Variants in BTRC observed in about 807,000 individuals in gnomAD.
The protein encoded by BTRC is F-box/WD repeat-containing protein 1A.
A neutral mutation model predicts 85.5 loss-of-function variants in BTRC; 42 were observed. The ratio of observed to expected loss-of-function variants is 0.49; its 90% CI spans 0.38 to 0.64. The LOEUF is 0.64. Ranked by LOEUF, BTRC falls within the 30% of genes least tolerant of loss-of-function variation. The probability of loss-of-function intolerance (pLI) is 0.00; values close to 1 mark genes in which losing one functional copy is unlikely to be tolerated. For synonymous variants in BTRC, 255 were observed against 263.3 expected, an observed-to-expected ratio of 0.97 and a Z score of 0.30; for missense variants, 594 against 743.5, an observed-to-expected ratio of 0.80 and a Z score of 2.34.
At chr10:101,435,815 T>C (rs2134095532) in intron 2 of BTRC, among the ~76,000 whole-genome samples, 1 of 152,268 alleles carries the variant, frequency 6.6e-6, no homozygotes, top group South Asian at 2.1e-4. Flanking sequence ...CCATTTTTAC[T>C]AATATTGACA....
At chr10:101,461,141 A>G (rs933335301) in intron 2 of BTRC, among the ~76,000 whole-genome samples, 2 of 152,154 alleles carry the variant, frequency 1.3e-5, no homozygotes, top group Non-Finnish European at 2.9e-5. Flanking sequence ...ACCTCAGATG[A>G]TCTGCCCGCC....
In BTRC at chr10:101,531,271, G is replaced by A. The variant is rs758785153; in HGVS notation, c.778G>A (p.Gly260Arg). Residue 260 changes from glycine to arginine, a missense_variant, in exon 7 of 15, where the codon GGG (glycine) becomes AGG (arginine). Physicochemically the swap from Gly to Arg is moderately radical, Grantham distance 125 (BLOSUM62 -2). Coordinates refer to ENST00000370187, the MANE Select transcript of BTRC (RefSeq NM_033637.4). Reference protein sequence around the residue: ...QYLFKNKPPDGNAPPNSFYRA... With the variant: ...QYLFKNKPPDRNAPPNSFYRA... ...TTTATTCAAAAACAAACCTCCTGACGGGAATGCTCCTCCCAACTCTTTTTA... is the reference window on the plus strand; with the variant it reads ...TTTATTCAAAAACAAACCTCCTGACAGGAATGCTCCTCCCAACTCTTTTTA... 6.8e-6 allele frequency: 11 copies of A among 1,610,192 alleles called. No individual in the cohort carries two copies. The highest frequency in any genetic ancestry group is 9.3e-6 in the Non-Finnish European group (11 of 1,176,718).
Position 101,534,878 on chromosome 10 carries a change from A to G in BTRC, c.1315A>G (p.Ile439Val), listed in dbSNP as rs200146282. The change falls in exon 10 of 15, where the codon ATT becomes GTT. Residue 439 changes from isoleucine (I) to valine (V), a missense_variant. Physicochemically the swap from Ile to Val is conservative, Grantham distance 29. This residue lies in a region of BTRC where 373 missense variants were observed against 503.6 expected (regional missense o/e 0.74). Transcript: ENST00000370187. ...VNVVDFDDKYIVSASGDRTIK... is the reference protein window; with the variant it reads ...VNVVDFDDKYVVSASGDRTIK... ...TGTTGTAGACTTTGATGACAAGTAC[A>G]TTGTTTCTGCATCTGGGGATAGAAC... The G allele has an allele frequency of 2.8e-4, 453 of 1,614,000 alleles. No individual in the cohort carries two copies. The highest frequency in any genetic ancestry group is 3.4e-4 in the Non-Finnish European group (397 of 1,180,016).
At chr10:101,475,854 G>T (rs1945664116) in intron 3 of BTRC, among the ~76,000 whole-genome samples, 1 of 142,084 alleles carries the variant, frequency 7.0e-6, no homozygotes, top group African/African-American at 2.6e-5. Context: ...GCACCCAATG[G>T]ATGCTAAAAT....
chr10:101,418,833 C>A (rs1292324525), intron 1 of BTRC, among the ~76,000 whole-genome samples: 2 of 152,096 alleles, frequency 1.3e-5, no homozygotes, highest in Non-Finnish European at 2.9e-5. Context: ...TGCATCAGCT[C>A]TTTTCCCTAA....
At chr10:101,420,423 T>A (rs1944068689) in intron 1 of BTRC, among the ~76,000 whole-genome samples, 4 of 151,972 alleles carry the variant, frequency 2.6e-5, no homozygotes, top group Admixed American at 2.6e-4. Context: ...CTCCACTGGG[T>A]CTGAAACTCA....
At chr10:101,504,892 C>A (rs932617884) in intron 4 of BTRC, among the ~76,000 whole-genome samples, 1 of 151,656 alleles carries the variant, frequency 6.6e-6, no homozygotes, top group East Asian at 1.9e-4. Context: ...GGCACAGATA[C>A]ACTCCCCCTC....
intron 1 of BTRC, among the ~76,000 whole-genome samples, chr10:101,376,413 T>C (rs1942792592): frequency 6.6e-6 from 1 of 152,184 alleles, no homozygotes; most frequent in South Asian, 2.1e-4. Flanking sequence ...TGGTAGTAAG[T>C]TGGTTTCAGA....
intron 5 of BTRC, among the ~76,000 whole-genome samples, chr10:101,522,362 AAAAAC>A (rs1564823614): frequency 1.5e-5 from 1 of 66,552 alleles, no homozygotes; most frequent in Non-Finnish European, 3.1e-5. Flanking sequence ...TAAAAAAAAA[AAAAAC>A]AAAAAAAAAC....
chr10:101,515,495 G>A (rs949960398), intron 4 of BTRC, among the ~76,000 whole-genome samples: 3 of 149,796 alleles, frequency 2.0e-5, no homozygotes, highest in Non-Finnish European at 4.4e-5. Context: ...CAATTTATAA[G>A]TATTACACAA....
intron 1 of BTRC, among the ~76,000 whole-genome samples, chr10:101,359,599 G>T (rs1942142309): frequency 3.4e-5 from 4 of 118,836 alleles, no homozygotes; most frequent in Non-Finnish European, 4.0e-5. Flanking sequence ...GGCTAATTTT[G>T]TTGTATTTTT....
intron 1 of BTRC, among the ~76,000 whole-genome samples, chr10:101,384,256 C>T (rs1352722473): frequency 2.0e-5 from 3 of 152,208 alleles, no homozygotes; most frequent in Non-Finnish European, 4.4e-5. Flanking sequence ...ATCAGCCCTC[C>T]TTCTTTGAGT....
intron 13 of BTRC, among the ~76,000 whole-genome samples, chr10:101,544,665 C>T (rs1435713341): frequency 6.6e-6 from 1 of 152,122 alleles, no homozygotes; most frequent in African/African-American, 2.4e-5. Flanking sequence ...CTCACAACCT[C>T]CTGAGTAGCT....
intron 1 of BTRC, among the ~76,000 whole-genome samples, chr10:101,378,423 G>T (rs549992049): frequency 2.0e-5 from 3 of 150,878 alleles, no homozygotes; most frequent in Non-Finnish European, 4.4e-5. Flanking sequence ...ATGACTGTGA[G>T]TTTTACAGTT....
chr10:101,531,146 G>A, intron 6 of BTRC, 91 bp from the exon 7 acceptor site: 1 of 1,078,516 alleles, frequency 9.3e-7, no homozygotes, highest in South Asian at 1.6e-5. Context: ...ACTCCAGCCT[G>A]GGCAACAGAG....
chr10:101,404,030 A>ATATATATATTTT (rs1232082481), intron 1 of BTRC, among the ~76,000 whole-genome samples: 2 of 25,434 alleles, frequency 7.9e-5, no homozygotes, highest in African/African-American at 3.8e-4. Flanking sequence ...ATATATATAT[A>ATATATATATTTT]TTTTTTTTTT....
At chr10:101,508,913 T>TAAAAAAAAAAAAAAAAAAAAAAAAA (rs59998718) in intron 4 of BTRC, among the ~76,000 whole-genome samples, 1 of 101,950 alleles carries the variant, frequency 9.8e-6, no homozygotes, top group Non-Finnish European at 2.0e-5. Context: ...GACTCCATCT[T>TAAAAAAAAAAAAAAAAAAAAAAAAA]AAAAAAAAAA....
rs943619799 is a variant in BTRC at position 101,403,370 on chromosome 10, C to T, written c.49-26975C>T. Reference sequence around the variant, plus strand: ...GAATACCTTTAGGACACAAGGCAGCCGCCCTTGCATTCCTAAGATAAATCC... The same window carrying T: ...GAATACCTTTAGGACACAAGGCAGCTGCCCTTGCATTCCTAAGATAAATCC... On this transcript the variant is annotated intron_variant, in intron 1 of 14. Transcript: ENST00000370187. Among the ~76,000 whole-genome samples, 12 of 152,202 alleles carry T rather than the reference C, an allele frequency of 7.9e-5. No homozygotes were observed. The South Asian group carries it at 2.3e-3, about 29-fold the overall frequency.
intron 1 of BTRC, among the ~76,000 whole-genome samples, chr10:101,377,100 C>G (rs933998342): frequency 2.6e-5 from 4 of 152,190 alleles, no homozygotes; most frequent in African/African-American, 9.6e-5. Flanking sequence ...CCCCCTCTTC[C>G]TCACTTCATT....
Sources: allele counts gnomAD v4.1 joint callset (sites outside exome capture counted in the v4.1 genomes callset), GRCh38; gene constraint gnomAD v4.1.1; regional missense constraint gnomAD v4.1.1; transcripts MANE v1.5; gene names NCBI Gene and HGNC (gene_info 2026-07-23, HGNC 2026-07-21).